Variants in MYRIP observed in about 807,000 individuals in gnomAD.
MYRIP encodes the protein rab effector MyRIP.
Under a neutral mutation model 98.0 loss-of-function variants are expected in MYRIP, and 49 were observed. The observed-to-expected ratio is 0.50, with a 90% CI of 0.40 to 0.63. The LOEUF is 0.63. Among genes scored for constraint, MYRIP ranks in the 30% least tolerant of loss-of-function variants. The probability of loss-of-function intolerance (pLI) is 0.00; values close to 1 mark genes in which losing one functional copy is unlikely to be tolerated. For missense variants in MYRIP, 1,004 were observed against 1,058.2 expected (o/e 0.95, Z 0.71); for synonymous variants, 404 against 409.5 (o/e 0.99, Z 0.16).
intron 3 of MYRIP, among the ~76,000 whole-genome samples, chr3:40,142,698 A>G (rs1369673139): frequency 6.6e-6 from 1 of 152,110 alleles, no homozygotes; most frequent in African/African-American, 2.4e-5. Flanking sequence ...GGCTCAAGCA[A>G]TCTGACTGTC....
intron 3 of MYRIP, among the ~76,000 whole-genome samples, chr3:40,064,243 G>A (rs1435300255): frequency 6.6e-5 from 10 of 151,788 alleles, no homozygotes; most frequent in Non-Finnish European, 1.5e-5. Flanking sequence ...TTTACCCAAG[G>A]TAATTTTCCA....
intron 3 of MYRIP, among the ~76,000 whole-genome samples, chr3:40,069,759 T>G (rs373429353): frequency 8.5e-5 from 13 of 152,278 alleles, no homozygotes; most frequent in African/African-American, 3.1e-4. Context: ...GAAGACAGTT[T>G]TCCCACTTAC....
At position 40,218,252 on chromosome 3, in the gene MYRIP, C is replaced by T. The variant is rs192559799; in HGVS notation, c.1905+8159C>T. Reference sequence around the variant, plus strand: ...GTCCACCAGCTCACCAGCTGGTGAACGAGTATAAGTGCACCAATGTCAATG... The same window carrying T: ...GTCCACCAGCTCACCAGCTGGTGAATGAGTATAAGTGCACCAATGTCAATG... On this transcript the variant is annotated intron_variant, in intron 11 of 16. Transcript: ENST00000302541. 1.2e-3 allele frequency among the ~76,000 whole-genome samples: 178 copies of T among 151,926 alleles called. 3 individuals are homozygous for T. In the South Asian group the frequency reaches 0.015, roughly 13 times the overall value.
Position 40,190,135 on chromosome 3 carries a change from C to G in MYRIP, c.1337C>G (p.Pro446Arg). ...IAASPSSALS[P>R]NPEAMCSDSE... ...GCCTCCCCATCCTCTGCACTCTCCC[C>G]CAACCCTGAGGCCATGTGCTCTGAC... The change falls in exon 10 of 17, where the codon CCC (proline) becomes CGC (arginine). Residue 446 changes from proline (P) to arginine (R), a missense_variant. Transcript: ENST00000302541. 6.2e-7 allele frequency: 1 copy of G among 1,614,078 alleles called. No homozygotes were observed.
At chr3:39,958,077 T>C (rs932543084) in intron 2 of MYRIP, among the ~76,000 whole-genome samples, 18 of 152,240 alleles carry the variant, frequency 1.2e-4, no homozygotes, top group Non-Finnish European at 2.4e-4. Context: ...ATAAGAAGAA[T>C]CAATATCATG....
intron 3 of MYRIP, among the ~76,000 whole-genome samples, chr3:40,081,000 T>A (rs1160671546): frequency 6.6e-6 from 1 of 152,084 alleles, no homozygotes; most frequent in Non-Finnish European, 1.5e-5. Context: ...CTTCGACCTA[T>A]GTGTTATCTA....
chr3:39,950,110 A>G (rs748559506), intron 2 of MYRIP, among the ~76,000 whole-genome samples: 6 of 151,960 alleles, frequency 3.9e-5, no homozygotes, highest in Admixed American at 2.0e-4. Flanking sequence ...TTTAATTTTT[A>G]TGTTCTTTTG....
chr3:40,155,444 C>G (rs371221185), intron 4 of MYRIP, among the ~76,000 whole-genome samples: 8 of 151,998 alleles, frequency 5.3e-5, no homozygotes, highest in African/African-American at 1.9e-4. Context: ...TAATGCCGCA[C>G]TAAACATACG....
At chr3:40,166,296 C>A (rs1950497005) in intron 5 of MYRIP, among the ~76,000 whole-genome samples, 1 of 152,152 alleles carries the variant, frequency 6.6e-6, no homozygotes, top group Non-Finnish European at 1.5e-5. Context: ...AGATAAAGAA[C>A]CATTATTTCC....
chr3:40,151,383 C>CA (rs1163055838), intron 4 of MYRIP, among the ~76,000 whole-genome samples, 199 bp downstream of exon 4: 1 of 152,200 alleles, frequency 6.6e-6, no homozygotes, highest in Non-Finnish European at 1.5e-5. Context: ...TCCAGCGTCC[C>CA]CACTGGGCTA....
intron 1 of MYRIP, among the ~76,000 whole-genome samples, chr3:39,864,441 T>C (rs1434150477): frequency 1.3e-5 from 2 of 152,032 alleles, no homozygotes; most frequent in African/African-American, 4.8e-5. Context: ...TTAATAACTT[T>C]ACAATAAAGT....
intron 2 of MYRIP, among the ~76,000 whole-genome samples, chr3:39,986,983 A>G (rs1946046407): frequency 6.6e-6 from 1 of 151,882 alleles, no homozygotes; most frequent in African/African-American, 2.4e-5. Flanking sequence ...TCCCTGTTTC[A>G]TATTCTGCTC....
At chr3:40,221,826 G>C (rs1952346340) in intron 11 of MYRIP, among the ~76,000 whole-genome samples, 1 of 152,076 alleles carries the variant, frequency 6.6e-6, no homozygotes, top group African/African-American at 2.4e-5. Context: ...AGCACCCAGG[G>C]GTATATTACA....
At chr3:39,842,174 A>T (rs906066385) in intron 1 of MYRIP, among the ~76,000 whole-genome samples, 3 of 152,156 alleles carry the variant, frequency 2.0e-5, no homozygotes, top group Non-Finnish European at 2.9e-5. Context: ...AGGAATCTAG[A>T]GAGGCAGTCT....
chr3:39,893,004 A>G (rs1251840705), intron 1 of MYRIP, among the ~76,000 whole-genome samples: 2 of 152,142 alleles, frequency 1.3e-5, no homozygotes, highest in East Asian at 1.9e-4. Flanking sequence ...GTATGGTAAG[A>G]GTTTGTTTTG....
At chr3:39,817,489 T>C (rs1339542838) in intron 1 of MYRIP, among the ~76,000 whole-genome samples, 1 of 152,208 alleles carries the variant, frequency 6.6e-6, no homozygotes, top group African/African-American at 2.4e-5. Context: ...ATGCTAGGAA[T>C]ACATGTAATT....
intron 7 of MYRIP, among the ~76,000 whole-genome samples, chr3:40,169,698 A>G (rs1950569890): frequency 6.6e-6 from 1 of 152,236 alleles, no homozygotes; most frequent in Non-Finnish European, 1.5e-5. Flanking sequence ...GGTCTGACAC[A>G]TGCTAGGCAC....
chr3:39,971,121 CT>C (rs1945569941), intron 2 of MYRIP, among the ~76,000 whole-genome samples: 1 of 152,044 alleles, frequency 6.6e-6, no homozygotes, highest in Admixed American at 6.6e-5. Context: ...GCGGCAGCAA[CT>C]TGTGGGAAGG....
chr3:39,979,594 C>T (rs923196763), intron 2 of MYRIP, among the ~76,000 whole-genome samples: 1 of 149,798 alleles, frequency 6.7e-6, no homozygotes, highest in African/African-American at 2.5e-5. Flanking sequence ...GCCAAGATCG[C>T]ACCATTGCAC....
Sources: gnomAD v4.1 joint callset for allele counts (sites outside exome capture counted in the v4.1 genomes callset) on GRCh38, gnomAD v4.1.1 for gene constraint, MANE v1.5 for transcripts, NCBI Gene and HGNC (gene_info 2026-07-23, HGNC 2026-07-21) for gene names.